MACF1: variants seen among roughly 807,000 people sequenced by gnomAD.
MACF1 encodes microtubule-actin cross-linking factor 1.
In MACF1, 193 loss-of-function variants were observed where a neutral mutation model predicts 854.8. The ratio of observed to expected loss-of-function variants is 0.23; its 90% confidence interval spans 0.20 to 0.25. MACF1 has a LOEUF of 0.25. Ranked by LOEUF, MACF1 falls within the 10% of genes least tolerant of loss-of-function variation. MACF1 has a pLI of 1.00. For synonymous variants in MACF1, 3,185 were observed against 3,226.7 expected, an observed-to-expected ratio of 0.99 and a Z score of 0.44; for missense variants, 7,722 against 8,929.1, an observed-to-expected ratio of 0.86 and a Z score of 5.45.
chr1:39,411,949 A>G (rs778034833), intron 58 of MACF1: 4 of 1,613,996 alleles, frequency 2.5e-6, no homozygotes, highest in Non-Finnish European at 3.4e-6. Flanking sequence ...TGATATCATG[A>G]GAGACACTTC....
intron 2 of MACF1, among the ~76,000 whole-genome samples, chr1:39,101,148 G>A (rs1405216438): frequency 6.6e-6 from 1 of 151,178 alleles, no homozygotes; most frequent in East Asian, 2.0e-4. Context: ...CCTGAGGTCA[G>A]GACTTCAAGA....
chr1:39,462,476 G>A (rs989562930), intron 93 of MACF1, among the ~76,000 whole-genome samples: 3 of 151,928 alleles, frequency 2.0e-5, no homozygotes, highest in African/African-American at 2.4e-5. Context: ...AGGCCAACAC[G>A]GGAGGATCAC....
Position 39,293,466 on chromosome 1 carries a change from T to C in MACF1, c.2001T>C (p.Ser667=). The change falls in exon 18 of 101, where the codon TCT becomes TCC. Residue 667 remains serine, a synonymous_variant. Transcript: ENST00000564288. ...ETQYCKLKET[S]SFRMRHLQSL... Reference sequence around the variant, plus strand: ...ATCCTTGCTTTGTCTAGGAAACTTCTAGCTTCCGGATGAGGCACCTTCAGA... The same window carrying C: ...ATCCTTGCTTTGTCTAGGAAACTTCCAGCTTCCGGATGAGGCACCTTCAGA... 1 of 1,611,616 alleles carries C rather than the reference T, an allele frequency of 6.2e-7. No homozygotes were observed. The highest frequency in any genetic ancestry group is 2.2e-5 in the East Asian group (1 of 44,854).
At chr1:39,341,078 A>G (rs1458747417) in intron 40 of MACF1, 125 bp downstream of exon 40, 8 of 851,094 alleles carry the variant, frequency 9.4e-6, no homozygotes, top group African/African-American at 1.8e-5. Context: ...CTGTCACCCA[A>G]GCTGGAGTGC....
intron 2 of MACF1, among the ~76,000 whole-genome samples, chr1:39,245,572 C>T (rs949908452): frequency 3.9e-5 from 6 of 152,136 alleles, no homozygotes; most frequent in African/African-American, 1.4e-4. Flanking sequence ...AGCCACTGCG[C>T]CTGGCAACAG....
intron 34 of MACF1, 43 bp downstream of exon 34, chr1:39,324,388 T>A (rs753180060): frequency 1.2e-6 from 2 of 1,602,660 alleles, no homozygotes; most frequent in Admixed American, 1.7e-5. Context: ...TAGAATAATA[T>A]GTGATAATAC....
chr1:39,272,937 T>G (rs1223277665), intron 6 of MACF1, among the ~76,000 whole-genome samples: 2 of 152,092 alleles, frequency 1.3e-5, no homozygotes, highest in Non-Finnish European at 2.9e-5. Flanking sequence ...AAAGGCCTTC[T>G]TCTCTGGCCC....
At chr1:39,408,462 G>A (rs973841374) in intron 58 of MACF1, among the ~76,000 whole-genome samples, 10 of 152,224 alleles carry the variant, frequency 6.6e-5, no homozygotes, top group African/African-American at 2.4e-4. Context: ...ACAGCCTTTG[G>A]CGGCAGAGAT....
chr1:39,147,906 A>G (rs1013167578), intron 2 of MACF1, among the ~76,000 whole-genome samples: 2 of 152,212 alleles, frequency 1.3e-5, no homozygotes, highest in South Asian at 4.1e-4. Context: ...TGGTCATGCC[A>G]CATTTCCTCT....
rs114692078 is a variant in MACF1, at chr1:39,381,089, C to T, written c.13648+716C>T. 1.3e-3 allele frequency among the ~76,000 whole-genome samples: 203 copies of T among 151,232 alleles called. 1 individual carries two copies. Among genetic ancestry groups the T allele is most frequent in the African/African-American group, 4.3e-3 (178 of 41,212 alleles). On this transcript the variant is annotated intron_variant, in intron 55 of 100. Coordinates refer to ENST00000564288, the MANE Select transcript of MACF1 (RefSeq NM_001394062.1). ...AATTTTTTTTTTGAGATGGAGTTTGCTCTTGTTGTCCAGGCTAGAGTGCAA... is the reference window on the plus strand; with the variant it reads ...AATTTTTTTTTTGAGATGGAGTTTGTTCTTGTTGTCCAGGCTAGAGTGCAA...
Position 39,283,928 on chromosome 1 carries a change from G to A in MACF1, c.916-138G>A. ...CTTGAGGAGCTTTGAAGCTAGTACT[G>A]TGAGCATTAAACTGAGCAGCATCTA... On this transcript the variant is annotated intron_variant, in intron 9 of 100. Transcript: ENST00000564288. The surrounding 1 kb of genome is among the most constrained non-coding windows in gnomAD (Gnocchi z 4.5). 1 of 920,324 alleles carries A rather than the reference G, an allele frequency of 1.1e-6. No homozygotes were observed. The highest frequency in any genetic ancestry group is 1.7e-6 in the Non-Finnish European group (1 of 601,138). The allele number at this position is 920,324 out of a possible 1,614,324, so 57.0% of individuals were successfully genotyped here.
chr1:39,114,005 C>T (rs1168545475), intron 2 of MACF1, among the ~76,000 whole-genome samples: 1 of 151,506 alleles, frequency 6.6e-6, no homozygotes, highest in African/African-American at 2.4e-5. Flanking sequence ...CACTGTACTC[C>T]AGCCTGGGTG....
intron 52 of MACF1, chr1:39,373,330 A>G (rs1649415878): frequency 6.6e-6 from 1 of 151,854 alleles, no homozygotes; most frequent in South Asian, 2.1e-4. Context: ...TTAGCCGGGC[A>G]TGGTGGCACG....
At chr1:39,190,068 C>A (rs1205319042) in intron 2 of MACF1, among the ~76,000 whole-genome samples, 1 of 152,048 alleles carries the variant, frequency 6.6e-6, no homozygotes, top group Admixed American at 6.6e-5. Flanking sequence ...CAGAACTGGA[C>A]CTATAATCGT....
At chr1:39,372,409 A>G (rs2148540056) in intron 51 of MACF1, 70 bp from the exon 52 acceptor site, 2 of 817,002 alleles carry the variant, frequency 2.4e-6, no homozygotes, top group Non-Finnish European at 4.2e-6. Context: ...GAGTATATAC[A>G]GAACAGATGT....
intron 6 of MACF1, chr1:39,268,840 A>T: frequency 7.8e-7 from 1 of 1,289,850 alleles, no homozygotes; most frequent in Non-Finnish European, 1.0e-6. Context: ...GCATCTCACC[A>T]GGAAGAAACC....
Position 39,437,949 on chromosome 1 carries a change from G to T in MACF1, c.18161G>T (p.Arg6054Leu). 6.2e-7 allele frequency: 1 copy of T among 1,614,084 alleles called. No homozygotes were observed. The change falls in exon 71 of 101, where the codon CGC becomes CTC. Residue 6054 changes from arginine (R) to leucine (L), a missense_variant. Coordinates refer to ENST00000564288, the MANE Select transcript of MACF1 (RefSeq NM_001394062.1). The stretch of plus-strand genomic sequence containing the variant: ...CAGCCATCCTTTGAGGCCTTGAAGC[G>T]CCGTGGAGAGGAGCTTATTGGACGA... ...KLQPSFEALK[R>L]RGEELIGRSQ...
At chr1:39,476,552 C>T (rs1644886956) in intron 97 of MACF1, among the ~76,000 whole-genome samples, 1 of 148,882 alleles carries the variant, frequency 6.7e-6, no homozygotes, top group Non-Finnish European at 1.5e-5. Context: ...GCCTGGGCAA[C>T]AGAACAAGAC....
intron 2 of MACF1, among the ~76,000 whole-genome samples, chr1:39,171,621 A>G (rs1643950359): frequency 1.3e-5 from 2 of 152,070 alleles, no homozygotes. Context: ...GTGTTTCGTT[A>G]CAGACATTAT....
Sources: allele counts gnomAD v4.1 joint callset (sites outside exome capture counted in the v4.1 genomes callset), GRCh38; gene constraint gnomAD v4.1.1; non-coding constraint Gnocchi (gnomAD v3.1); transcripts MANE v1.5; gene names NCBI Gene and HGNC (gene_info 2026-07-23, HGNC 2026-07-21).